TLN2: variants seen among roughly 807,000 people sequenced by gnomAD.
The protein encoded by TLN2 is talin-2.
Under a neutral mutation model 294.7 loss-of-function variants are expected in TLN2, and 118 were observed. That is an observed-to-expected ratio of 0.40 (90% CI 0.34 to 0.47). The LOEUF is 0.47. TLN2 is among the 20% of genes least tolerant of loss of function. The pLI, the probability that TLN2 is intolerant of heterozygous loss-of-function variation, is 0.84. For missense variants in TLN2, 3,083 were observed against 3,282.2 expected (o/e 0.94, Z 1.48); for synonymous variants, 1,431 against 1,304.5 (o/e 1.10, Z -2.09).
At chr15:62,736,547 A>G (rs2061025595) in intron 28 of TLN2, among the ~76,000 whole-genome samples, 1 of 152,166 alleles carries the variant, frequency 6.6e-6, no homozygotes, top group Non-Finnish European at 1.5e-5. Flanking sequence ...CCTCCCGCAA[A>G]CATGTGCAGG....
chr15:62,635,475 G>A (rs2050287815), intron 3 of TLN2, among the ~76,000 whole-genome samples: 1 of 152,076 alleles, frequency 6.6e-6, no homozygotes, highest in South Asian at 2.1e-4. Context: ...TAATTAGAAT[G>A]GGGAAAACTT....
intron 32 of TLN2, among the ~76,000 whole-genome samples, chr15:62,741,072 G>A (rs182547498): frequency 1.2e-3 from 185 of 152,202 alleles, no homozygotes; most frequent in African/African-American, 4.3e-3. Context: ...TTTTTAAGTA[G>A]CATTATATCT....
rs2058169293 is a variant in TLN2 at position 62,694,361 on chromosome 15, A to G, written c.1261A>G (p.Thr421Ala). Residue 421 changes from threonine to alanine, a missense_variant, in exon 14 of 59, where the codon ACC becomes GCC. Thr to Ala is a moderately conservative substitution (Grantham distance 58). Coordinates refer to ENST00000636159, the MANE Select transcript of TLN2 (RefSeq NM_015059.3). ...RFGLEGDEESTMLEESVSPKK... is the reference protein window; with the variant it reads ...RFGLEGDEESAMLEESVSPKK... ...TGGACTAGAAGGTGATGAGGAGTCA[A>G]CCATGTTAGAAGAGTCCGTTTCCCC... is the stretch of plus-strand genomic sequence containing the variant. 2 of 1,614,054 alleles carry G rather than the reference A, an allele frequency of 1.2e-6. No homozygotes were observed. Among genetic ancestry groups the G allele is most frequent in the African/African-American group, 2.7e-5 (2 of 74,936 alleles).
At chr15:62,697,337 A>G (rs536584529) in intron 14 of TLN2, among the ~76,000 whole-genome samples, 19 of 152,236 alleles carry the variant, frequency 1.2e-4, no homozygotes, top group Admixed American at 1.1e-3. Context: ...TTGAACTCCT[A>G]ACTTCAAGGA....
Position 62,739,546 on chromosome 15 carries a change from G to A in TLN2, c.3885+1G>A. ...CATTGAGATGGCTGGCCAAGCTCAG[G>A]TGGGTGTGGAGGTGGTTGTCTGGAG... On this transcript the variant is annotated splice_donor_variant, in intron 31 of 58. Coordinates refer to ENST00000636159, the MANE Select transcript of TLN2 (RefSeq NM_015059.3). LOFTEE classifies it high-confidence loss of function. 2 of 1,614,182 alleles carry A rather than the reference G, an allele frequency of 1.2e-6. No homozygotes were observed. The highest frequency in any genetic ancestry group is 1.7e-6 in the Non-Finnish European group (2 of 1,180,016).
intron 11 of TLN2, among the ~76,000 whole-genome samples, chr15:62,685,747 T>G (rs1354471700): frequency 1.3e-5 from 2 of 152,242 alleles, no homozygotes; most frequent in Admixed American, 1.3e-4. Context: ...TATGAACACA[T>G]CACATAGACA....
chr15:62,819,715 C>G, intron 53 of TLN2, 94 bp downstream of exon 53: 2 of 1,099,832 alleles, frequency 1.8e-6, no homozygotes, highest in South Asian at 2.9e-5. Context: ...ACGGCAATGG[C>G]CTTTAGCTGG....
Position 62,796,197 on chromosome 15 carries a change from C to T in TLN2, c.5954C>T (p.Ala1985Val). The change falls in exon 47 of 59, where the codon GCT becomes GTT. Residue 1985 changes from alanine (A) to valine (V), a missense_variant. By Grantham distance (64) the Ala-to-Val change is moderately conservative (BLOSUM62 0). Transcript: ENST00000636159. ...GTQACITAAT[A>V]VSGIIADLDT... The stretch of plus-strand genomic sequence containing the variant: ...CAGGCATGCATTACAGCCGCCACCG[C>T]TGTGTCTGGGATCATTGCCGACCTG... The T allele has an allele frequency of 1.9e-6, 3 of 1,614,284 alleles. No homozygotes were observed. Among genetic ancestry groups the T allele is most frequent in the Non-Finnish European group, 2.5e-6 (3 of 1,180,054 alleles).
intron 1 of TLN2, among the ~76,000 whole-genome samples, chr15:62,435,629 C>T (rs1266717503): frequency 6.6e-6 from 1 of 152,176 alleles, no homozygotes; most frequent in African/African-American, 2.4e-5. Flanking sequence ...GCAACTTCTG[C>T]CTCCCGGGTT....
chr15:62,657,156 G>GC (rs960248164), intron 8 of TLN2, among the ~76,000 whole-genome samples: 10 of 151,214 alleles, frequency 6.6e-5, no homozygotes, highest in Admixed American at 2.0e-4. Flanking sequence ...GAAAAGGTGG[G>GC]GGGGGGAAGC....
intron 1 of TLN2, among the ~76,000 whole-genome samples, chr15:62,522,978 ACTCT>A (rs58550834): frequency 1.7e-4 from 19 of 109,152 alleles, no homozygotes; most frequent in African/African-American, 6.8e-4. Context: ...ACACACACAC[ACTCT>A]CTCACTCACA....
At chr15:62,696,397 C>A (rs1388146063) in intron 14 of TLN2, among the ~76,000 whole-genome samples, 1 of 152,208 alleles carries the variant, frequency 6.6e-6, no homozygotes, top group Non-Finnish European at 1.5e-5. Context: ...CATTCTAAGA[C>A]AATATGAAGT....
intron 1 of TLN2, among the ~76,000 whole-genome samples, chr15:62,418,157 G>A (rs2034188700): frequency 6.6e-6 from 1 of 152,178 alleles, no homozygotes; most frequent in Non-Finnish European, 1.5e-5. Context: ...GAGACCAAAT[G>A]GTTCAGTGGA....
At chr15:62,605,995 G>T (rs1489188010) in intron 2 of TLN2, among the ~76,000 whole-genome samples, 1 of 152,218 alleles carries the variant, frequency 6.6e-6, no homozygotes, top group African/African-American at 2.4e-5. Flanking sequence ...TGTTACACCA[G>T]TGTCACTAGT....
intron 26 of TLN2, among the ~76,000 whole-genome samples, chr15:62,722,740 T>C (rs1400773811): frequency 6.6e-6 from 1 of 152,174 alleles, no homozygotes; most frequent in Non-Finnish European, 1.5e-5. Flanking sequence ...CTCCTCCTCC[T>C]CCTCTTTCCA....
intron 1 of TLN2, among the ~76,000 whole-genome samples, chr15:62,470,936 C>A (rs1205637824): frequency 6.6e-6 from 1 of 152,204 alleles, no homozygotes; most frequent in Non-Finnish European, 1.5e-5. Context: ...TGGGACATTG[C>A]TAATTTGTTC....
intron 1 of TLN2, among the ~76,000 whole-genome samples, chr15:62,526,074 A>G (rs1260418628): frequency 1.3e-5 from 2 of 152,170 alleles, no homozygotes; most frequent in African/African-American, 2.4e-5. Flanking sequence ...ATTTTTTCTT[A>G]TATGTTACAT....
intron 20 of TLN2, among the ~76,000 whole-genome samples, chr15:62,707,805 A>G (rs1415592399): frequency 5.3e-5 from 8 of 152,092 alleles, no homozygotes; most frequent in Non-Finnish European, 2.9e-5. Context: ...AGAAGTAGTA[A>G]GTGGCAGAAC....
In TLN2 at chr15:62,800,406, C is replaced by T; in HGVS notation, c.6273C>T (p.Ala2091=). 6.2e-7 allele frequency: 1 copy of T among 1,614,122 alleles called. No homozygotes were observed. Among genetic ancestry groups the T allele is most frequent in the Non-Finnish European group, 8.5e-7 (1 of 1,180,032 alleles). ...LINAIKDVAK[A]LSDLISATKG... The stretch of plus-strand genomic sequence containing the variant: ...ATGCCATCAAAGATGTGGCCAAGGC[C>T]CTTTCTGATCTCATCAGTGCTACCA... Residue 2091 remains alanine, a synonymous_variant, in exon 49 of 59, where the codon GCC becomes GCT. Coordinates refer to ENST00000636159, the MANE Select transcript of TLN2 (RefSeq NM_015059.3).
Sources: allele counts gnomAD v4.1 joint callset (sites outside exome capture counted in the v4.1 genomes callset), GRCh38; gene constraint gnomAD v4.1.1; transcripts MANE v1.5; gene names NCBI Gene and HGNC (gene_info 2026-07-23, HGNC 2026-07-21).